The following EYA2 variants were observed in gnomAD, a reference collection of about 807,000 sequenced individuals.
EYA2 encodes the protein EYA transcriptional coactivator and phosphatase 2, also known as protein phosphatase EYA2.
In EYA2, 31 loss-of-function variants were observed where a neutral mutation model predicts 69.2. The observed-to-expected ratio is 0.45, with a 90% CI of 0.34 to 0.60. The LOEUF (loss-of-function observed/expected upper bound fraction) is 0.60. Ranked by LOEUF, EYA2 falls within the 20% of genes least tolerant of loss-of-function variation. The pLI, the probability that EYA2 is intolerant of heterozygous loss-of-function variation, is 0.02. For synonymous variants in EYA2, 257 were observed against 279.4 expected, an observed-to-expected ratio of 0.92 and a Z score of 0.80; for missense variants, 622 against 701.2, an observed-to-expected ratio of 0.89 and a Z score of 1.28.
intron 12 of EYA2, among the ~76,000 whole-genome samples, chr20:47,176,061 C>A (rs935117973): frequency 1.3e-5 from 2 of 148,694 alleles, no homozygotes; most frequent in Non-Finnish European, 3.0e-5. Flanking sequence ...AACAAGTGAG[C>A]AAATCACTTA....
chr20:47,001,690 G>A (rs1332340869), intron 3 of EYA2, among the ~76,000 whole-genome samples: 1 of 152,038 alleles, frequency 6.6e-6, no homozygotes, highest in Non-Finnish European at 1.5e-5. Flanking sequence ...CTGCCCCCAC[G>A]AAACCAGCAA....
At chr20:47,166,390 G>T (rs1310185861) in intron 10 of EYA2, among the ~76,000 whole-genome samples, 2 of 45,432 alleles carry the variant, frequency 4.4e-5, no homozygotes, top group African/African-American at 1.7e-4. Context: ...GAGCAAGACT[G>T]TCTAAAAAAA....
chr20:47,173,001 C>T (rs1000449748), intron 12 of EYA2, 134 bp downstream of exon 12: 53 of 943,878 alleles, frequency 5.6e-5, no homozygotes, highest in Non-Finnish European at 7.2e-5. Context: ...GCAACCCTGA[C>T]GACACCCTTC....
intron 7 of EYA2, among the ~76,000 whole-genome samples, chr20:47,077,496 G>A (rs1340154805): frequency 6.6e-6 from 1 of 152,192 alleles, no homozygotes; most frequent in Non-Finnish European, 1.5e-5. Flanking sequence ...CTAGCACGAT[G>A]GTGTGGAGAC....
At chr20:47,045,872 G>T (rs2030011030) in intron 5 of EYA2, among the ~76,000 whole-genome samples, 1 of 135,410 alleles carries the variant, frequency 7.4e-6, no homozygotes, top group African/African-American at 2.4e-5. Flanking sequence ...TGTAACAGTT[G>T]GGTGTTACAG....
intron 5 of EYA2, among the ~76,000 whole-genome samples, chr20:47,060,979 C>T (rs1426351164): frequency 6.6e-6 from 1 of 151,814 alleles, no homozygotes. Flanking sequence ...CCTCAGCCTC[C>T]TGAGTAGCTG....
chr20:46,937,997 GATCTT>G (rs1314771364), intron 1 of EYA2, among the ~76,000 whole-genome samples: 1 of 152,140 alleles, frequency 6.6e-6, no homozygotes, highest in African/African-American at 2.4e-5. Flanking sequence ...CTATGAGATC[GATCTT>G]ATCTTATCCC....
At chr20:47,040,938 C>T (rs1335610564) in intron 5 of EYA2, among the ~76,000 whole-genome samples, 1 of 152,170 alleles carries the variant, frequency 6.6e-6, no homozygotes, top group Non-Finnish European at 1.5e-5. Context: ...TGAGGGCATG[C>T]CAAGGGTTTC....
chr20:47,148,058 C>CAAAAA lies in EYA2; in HGVS notation c.978+4921_978+4925dup, dbSNP rs1264883844. Among the ~76,000 whole-genome samples the CAAAAA allele has an allele frequency of 2.5e-3, 209 of 82,830 alleles. 7 individuals are homozygous for CAAAAA. Among genetic ancestry groups the CAAAAA allele is most frequent in the African/African-American group, 9.6e-3 (198 of 20,602 alleles). 54.3% of individuals were successfully genotyped at this position (82,830 alleles called of 152,430 possible). On this transcript the variant is annotated intron_variant, in intron 10 of 15. Coordinates refer to ENST00000327619, the MANE Select transcript of EYA2 (RefSeq NM_005244.5). ...TGGGCGACAGAGCAAGACTCTGTCT[C>CAAAAA]AAAAAAAAAAAAAAAGAATAAAAAA...
chr20:46,927,858 C>T (rs1330921576), intron 1 of EYA2, among the ~76,000 whole-genome samples: 1 of 152,144 alleles, frequency 6.6e-6, no homozygotes, highest in African/African-American at 2.4e-5. Flanking sequence ...ATACGAGTCG[C>T]TAGTACCTGT....
chr20:47,188,230 C>G lies in EYA2; in HGVS notation c.*97C>G. On this transcript the variant is annotated 3_prime_UTR_variant, in exon 16 of 16. Transcript: ENST00000327619. ...ACTCCAGAGACCCAGATGTTGGACA[C>G]CAGGAAGGGGCCCCACAGCCGAGAC... 8.0e-7 allele frequency: 1 copy of G among 1,254,778 alleles called. No homozygotes were observed. Among genetic ancestry groups the G allele is most frequent in the South Asian group, 1.3e-5 (1 of 77,532 alleles). The allele number at this position is 1,254,778 out of a possible 1,614,324, so 77.7% of individuals were successfully genotyped here.
intron 12 of EYA2, among the ~76,000 whole-genome samples, chr20:47,173,292 C>A (rs2034362411): frequency 6.6e-6 from 1 of 151,842 alleles, no homozygotes; most frequent in African/African-American, 2.4e-5. Context: ...GTTTTCACAG[C>A]CCTGGAATCC....
intron 5 of EYA2, among the ~76,000 whole-genome samples, chr20:47,026,492 T>C (rs1283636380): frequency 6.7e-6 from 1 of 149,320 alleles, no homozygotes; most frequent in Non-Finnish European, 1.5e-5. Context: ...ACAAAACAAA[T>C]GACAAAAAAC....
intron 7 of EYA2, among the ~76,000 whole-genome samples, chr20:47,079,726 G>T (rs899866341): frequency 1.3e-5 from 2 of 152,100 alleles, no homozygotes; most frequent in Non-Finnish European, 2.9e-5. Context: ...ATACTATACA[G>T]CTGTTAAAAA....
rs142813531 is a variant in EYA2, at chr20:47,019,057, G to T, written c.415+2760G>T. Among the ~76,000 whole-genome samples the T allele has an allele frequency of 3.4e-3, 521 of 152,264 alleles. 2 individuals carry two copies. Among genetic ancestry groups the T allele is most frequent in the African/African-American group, 0.012 (485 of 41,538 alleles). ...AAAATGTTTCAGTCACTTACCCAAGGTCACACGGCCATGGCAGTGGGAAAT... is the reference window on the plus strand; with the variant it reads ...AAAATGTTTCAGTCACTTACCCAAGTTCACACGGCCATGGCAGTGGGAAAT... On this transcript the variant is annotated intron_variant, in intron 5 of 15. Transcript: ENST00000327619.
At chr20:46,966,233 C>T (rs4810581) in intron 1 of EYA2, among the ~76,000 whole-genome samples, 39,714 of 151,976 alleles carry the variant, frequency 0.26, 5,665 homozygotes, top group Admixed American at 0.42. Flanking sequence ...GTGATCCTGC[C>T]GCCTCCGCAT....
intron 1 of EYA2, among the ~76,000 whole-genome samples, chr20:46,982,007 T>C (rs1006621965): frequency 1.3e-5 from 2 of 152,214 alleles, no homozygotes; most frequent in African/African-American, 4.8e-5. Context: ...TCTAAAAGTT[T>C]ACTATAAATT....
chr20:46,937,454 A>G (rs1437478617), intron 1 of EYA2, among the ~76,000 whole-genome samples: 1 of 152,214 alleles, frequency 6.6e-6, no homozygotes, highest in African/African-American at 2.4e-5. Flanking sequence ...AACAGTGTAC[A>G]CACTTAATAA....
chr20:47,038,756 T>A (rs907893076), intron 5 of EYA2, among the ~76,000 whole-genome samples: 1 of 152,192 alleles, frequency 6.6e-6, no homozygotes, highest in Non-Finnish European at 1.5e-5. Context: ...ATTGAACAAC[T>A]AGTCCCCGTT....
Sources: allele counts gnomAD v4.1 joint callset (sites outside exome capture counted in the v4.1 genomes callset), GRCh38; gene constraint gnomAD v4.1.1; transcripts MANE v1.5; gene names NCBI Gene and HGNC (gene_info 2026-07-23, HGNC 2026-07-21).